SCRIB: variants seen among roughly 807,000 people sequenced by gnomAD.
SCRIB encodes scribble planar cell polarity protein.
A neutral mutation model predicts 170.0 loss-of-function variants in SCRIB; 72 were observed. That is an observed-to-expected ratio of 0.42 (90% CI 0.35 to 0.52). The LOEUF (loss-of-function observed/expected upper bound fraction) is 0.52. SCRIB is among the 20% of genes least tolerant of loss of function. The pLI is 0.02. For missense variants in SCRIB, 2,475 were observed against 2,338.5 expected (o/e 1.06, Z -1.20); for synonymous variants, 1,298 against 1,044.3 (o/e 1.24, Z -4.68).
rs782687247 is a variant in SCRIB, at chr8:143,793,975, G to A, written c.3847-13C>T. ...CTCCAGACGGTACCTGGAGGAGTAG[G>A]CAGTGGGTGGGGTGAGGATGGGCAG... On this transcript the variant is annotated splice_polypyrimidine_tract_variant and intron_variant, in intron 27 of 36. Coordinates refer to ENST00000356994, the MANE Select transcript of SCRIB (RefSeq NM_182706.5). 98 of 1,611,706 alleles carry A rather than the reference G, an allele frequency of 6.1e-5. No individual in the cohort carries two copies. The highest frequency in any genetic ancestry group is 8.1e-5 in the Non-Finnish European group (95 of 1,178,780).
In SCRIB at chr8:143,809,170, C is replaced by T. The variant is rs1815585983; in HGVS notation, c.1699-145G>A. On this transcript the variant is annotated intron_variant, in intron 14 of 36. Coordinates refer to ENST00000356994, the MANE Select transcript of SCRIB (RefSeq NM_182706.5). Reference sequence around the variant, plus strand: ...AGCACTAACTGCCCAGTGAGGGGCGCGTGTCTCAGCCCTGAGAAAAGCTGA... The same window carrying T: ...AGCACTAACTGCCCAGTGAGGGGCGTGTGTCTCAGCCCTGAGAAAAGCTGA... The T allele has an allele frequency of 6.2e-6, 7 of 1,124,974 alleles. No individual in the cohort carries two copies. In the South Asian group the frequency reaches 6.5e-5, roughly 10 times the overall value. The allele number at this position is 1,124,974 out of a possible 1,614,324, so 69.7% of individuals were successfully genotyped here. A position where few individuals can be genotyped will look rare whatever the true frequency, so the allele number is the denominator to read the frequency against.
chr8:143,813,987 C>T lies in SCRIB; in HGVS notation c.277+14G>A, dbSNP rs758481126. 2 of 1,568,694 alleles carry T rather than the reference C, an allele frequency of 1.3e-6. No homozygotes were observed. The highest frequency in any genetic ancestry group is 1.7e-4 in the Middle Eastern group (1 of 5,982). On this transcript the variant is annotated intron_variant, in intron 2 of 36. Transcript: ENST00000356994. Reference sequence around the variant, plus strand: ...CTCCCCAGACCCCACCCAGCCCCTGCCCAGGCTCCCCACCGTTCCGGGACA... The same window carrying T: ...CTCCCCAGACCCCACCCAGCCCCTGTCCAGGCTCCCCACCGTTCCGGGACA...
intron 3 of SCRIB, 29 bp downstream of exon 3, chr8:143,813,789 T>C (rs1471565071): frequency 1.2e-6 from 2 of 1,604,126 alleles, no homozygotes; most frequent in Non-Finnish European, 1.7e-6. Context: ...CCATAGCCCC[T>C]ACCGACCCCA....
chr8:143,806,521 G>A (rs1554636635), intron 17 of SCRIB, 37 bp from the exon 18 acceptor site: 2 of 1,505,700 alleles, frequency 1.3e-6, no homozygotes, highest in Admixed American at 1.9e-5. Flanking sequence ...GGGCCAGGGA[G>A]ACGGGCCCGC....
chr8:143,807,386 C>T (rs1314753890), intron 16 of SCRIB, among the ~76,000 whole-genome samples, 166 bp downstream of exon 16: 1 of 152,204 alleles, frequency 6.6e-6, no homozygotes, highest in African/African-American at 2.4e-5. Context: ...CCAAGACGGG[C>T]TGCCCCAGGC....
At position 143,814,138 on chromosome 8, in the gene SCRIB, G is replaced by C. The variant is rs540592083; in HGVS notation, c.160-20C>G. 6.5e-7 allele frequency: 1 copy of C among 1,541,420 alleles called. No homozygotes were observed. The highest frequency in any genetic ancestry group is 1.4e-5 in the African/African-American group (1 of 72,834). On this transcript the variant is annotated intron_variant, in intron 1 of 36. Transcript: ENST00000356994. ...AAAAGGCTGTGGGCAGGGAGGACAC[G>C]GACTCTGTGGCAGAGACCACTGCAG... is the stretch of plus-strand genomic sequence containing the variant.
chr8:143,791,820 A>AG, intron 34 of SCRIB, 56 bp downstream of exon 34: 1 of 1,464,244 alleles, frequency 6.8e-7, no homozygotes, highest in South Asian at 1.2e-5. Flanking sequence ...GGGGCAGGCC[A>AG]GACCCCACCC....
At chr8:143,808,089 G>A (rs1006942890) in intron 15 of SCRIB, among the ~76,000 whole-genome samples, 1 of 152,180 alleles carries the variant, frequency 6.6e-6, no homozygotes, top group Non-Finnish European at 1.5e-5. Flanking sequence ...TCAGGGCCTC[G>A]GGCCTGCAGT....
chr8:143,794,320 C>T, intron 27 of SCRIB: 1 of 287,226 alleles, frequency 3.5e-6, no homozygotes, highest in Non-Finnish European at 6.7e-6. Context: ...GTGCAGCCCT[C>T]AGGGCTCAGT....
Position 143,815,487 on chromosome 8 carries a change from G to C in SCRIB, c.-115C>G, listed in dbSNP as rs1219026106. On this transcript the variant is annotated 5_prime_UTR_variant, in exon 1 of 37. Coordinates refer to ENST00000356994, the MANE Select transcript of SCRIB (RefSeq NM_182706.5). ...GGGGAGGGGGCGCAGGCAGGGGGCG[G>C]GCCGCCCGAGACTGGACGGGGACGC... The C allele has an allele frequency of 3.7e-5, 37 of 1,005,076 alleles. No individual in the cohort carries two copies. The East Asian group carries it at 3.5e-3, about 94-fold the overall frequency. The allele number at this position is 1,005,076 out of a possible 1,614,324, so 62.3% of individuals were successfully genotyped here.
At chr8:143,807,713 G>A (rs1207831756) in intron 15 of SCRIB, 99 bp from the exon 16 acceptor site, 2 of 978,920 alleles carry the variant, frequency 2.0e-6, no homozygotes, top group Admixed American at 3.5e-5. Context: ...GGACAGAGGA[G>A]ACCACAGCAA....
intron 15 of SCRIB, among the ~76,000 whole-genome samples, chr8:143,808,032 G>A (rs1563801894): frequency 6.6e-6 from 1 of 152,224 alleles, no homozygotes; most frequent in Non-Finnish European, 1.5e-5. Context: ...GTGCCCCGAA[G>A]GCCTGTGTGG....
chr8:143,805,383 A>G lies in SCRIB; in HGVS notation c.2399T>C (p.Leu800Pro). 1 of 1,547,904 alleles carries G rather than the reference A, an allele frequency of 6.5e-7. No individual in the cohort carries two copies. The highest frequency in any genetic ancestry group is 2.4e-5 in the East Asian group (1 of 41,628). ...GAEHHEAVEA[L>P]RGAGTAVQMR... ...CTGCACGGCAGTGCCGGCCCCCCGG[A>G]GCGCCTCCACGGCCTCGTGGTGCTC... The change falls in exon 19 of 37, where the codon CTC (leucine) becomes CCC (proline). Residue 800 changes from leucine (L) to proline (P), a missense_variant. Coordinates refer to ENST00000356994, the MANE Select transcript of SCRIB (RefSeq NM_182706.5).
Position 143,813,010 on chromosome 8 carries a change from C to A in SCRIB, c.642+20G>T, listed in dbSNP as rs769052591. ...GCGCGGATGGGCACGAAGCAGGGGG[C>A]CAGCCCCACCCTGACTCACCGGGGG... On this transcript the variant is annotated intron_variant, in intron 7 of 36. Transcript: ENST00000356994. 28 of 1,607,622 alleles carry A rather than the reference C, an allele frequency of 1.7e-5. No homozygotes were observed. Among genetic ancestry groups the A allele is most frequent in the Non-Finnish European group, 2.4e-5 (28 of 1,178,042 alleles).
At position 143,810,946 on chromosome 8, in the gene SCRIB, G is replaced by A. The variant is rs370943855; in HGVS notation, c.1233C>T (p.Leu411=). 113 of 1,611,966 alleles carry A rather than the reference G, an allele frequency of 7.0e-5. No individual in the cohort carries two copies. The highest frequency in any genetic ancestry group is 8.4e-5 in the Non-Finnish European group (99 of 1,179,862). The change falls in exon 11 of 37, where the codon CTC becomes CTT. Residue 411 remains leucine (L), a synonymous_variant. Transcript: ENST00000356994. ...GCTGCTGGGGCAGCAAGTAGCAGGT[G>A]AGCACCTTCTCGCCGGTCCGGGCAT... The part of the protein sequence containing the change: ...EDDARTGEKV[L]TCYLLPQQPP...
intron 1 of SCRIB, among the ~76,000 whole-genome samples, chr8:143,814,322 C>T (rs1815916671): frequency 6.6e-6 from 1 of 152,108 alleles, no homozygotes; most frequent in Non-Finnish European, 1.5e-5. Context: ...TGGCTGCCTC[C>T]CTCTACTCTT....
Position 143,791,445 on chromosome 8 carries a change from G to C in SCRIB, c.4771-5C>G. Reference sequence around the variant, plus strand: ...CTCCTCAGCAAAGTCCGGTGACTGTGATGGGGAGAGTGTTGGTCAGGCCGG... The same window carrying C: ...CTCCTCAGCAAAGTCCGGTGACTGTCATGGGGAGAGTGTTGGTCAGGCCGG... On this transcript the variant is annotated splice_region_variant and splice_polypyrimidine_tract_variant and intron_variant, in intron 35 of 36. Coordinates refer to ENST00000356994, the MANE Select transcript of SCRIB (RefSeq NM_182706.5). 5 of 1,610,298 alleles carry C rather than the reference G, an allele frequency of 3.1e-6. No homozygotes were observed. The highest frequency in any genetic ancestry group is 1.1e-5 in the South Asian group (1 of 90,624).
chr8:143,811,064 C>T lies in SCRIB; in HGVS notation c.1115G>A (p.Ser372Asn), dbSNP rs1434212392. ...VLDVAGNRLQ[S>N]LPFALTHLNL... ...GAGGTGGGTGAGCGCGAACGGCAGACTCTGCAGGCTGCGGGCCGGGCGGGC... is the reference window on the plus strand; with the variant it reads ...GAGGTGGGTGAGCGCGAACGGCAGATTCTGCAGGCTGCGGGCCGGGCGGGC... Residue 372 changes from serine (S) to asparagine (N), a missense_variant, in exon 11 of 37, where the codon AGT becomes AAT. Coordinates refer to ENST00000356994, the MANE Select transcript of SCRIB (RefSeq NM_182706.5). 2 of 1,611,514 alleles carry T rather than the reference C, an allele frequency of 1.2e-6. No individual in the cohort carries two copies. The highest frequency in any genetic ancestry group is 1.7e-6 in the Non-Finnish European group (2 of 1,179,390).
intron 24 of SCRIB, 46 bp from the exon 25 acceptor site, chr8:143,795,576 G>T: frequency 4.0e-6 from 6 of 1,503,002 alleles, no homozygotes; most frequent in Non-Finnish European, 5.5e-6. Context: ...GCAACCCGGG[G>T]TCCCACCTCT....
Sources: allele counts gnomAD v4.1 joint callset (sites outside exome capture counted in the v4.1 genomes callset), GRCh38; gene constraint gnomAD v4.1.1; transcripts MANE v1.5; gene names NCBI Gene and HGNC (gene_info 2026-07-23, HGNC 2026-07-21).